GIMAP2: variants seen among roughly 807,000 people sequenced by gnomAD.
GIMAP2 encodes GTPase IMAP family member 2.
A neutral mutation model predicts 25.5 loss-of-function variants in GIMAP2; 22 were observed. That is an observed-to-expected ratio of 0.86 (90% CI 0.62 to 1.23). GIMAP2 has a LOEUF of 1.23. Ranked by LOEUF, GIMAP2 falls within the 50% of genes most tolerant of loss-of-function variation. The pLI is 0.00. For synonymous variants in GIMAP2, 167 were observed against 143.0 expected, an observed-to-expected ratio of 1.17 and a Z score of -1.20; for missense variants, 422 against 395.7, an observed-to-expected ratio of 1.07 and a Z score of -0.56.
In GIMAP2 at chr7:150,692,795, A is replaced by G. The variant is rs746101312; in HGVS notation, c.509A>G (p.Lys170Arg). Reference sequence around the variant, plus strand: ...GACTCAGATAACAAAGCCCTAAGCAAGCTGGTGGCAGCATGTGGTGGGCGA... The same window carrying G: ...GACTCAGATAACAAAGCCCTAAGCAGGCTGGTGGCAGCATGTGGTGGGCGA... ...MHDSDNKALS[K>R]LVAACGGRIC... Residue 170 changes from lysine to arginine, a missense_variant, in exon 3 of 3, where the codon AAG (lysine) becomes AGG (arginine). Lys to Arg is a conservative substitution (Grantham distance 26). Coordinates refer to ENST00000223293, the MANE Select transcript of GIMAP2 (RefSeq NM_015660.3). The G allele has an allele frequency of 4.3e-5, 70 of 1,614,122 alleles. No homozygotes were observed. Among genetic ancestry groups the G allele is most frequent in the Non-Finnish European group, 5.7e-5 (67 of 1,180,052 alleles).
intron 1 of GIMAP2, among the ~76,000 whole-genome samples, chr7:150,686,742 G>A (rs955999702): frequency 1.2e-4 from 18 of 151,796 alleles, no homozygotes; most frequent in African/African-American, 3.6e-4. Context: ...TCAGGAGTTT[G>A]AGACCAGCCT....
In GIMAP2 at chr7:150,692,975, T is replaced by A. The variant is rs776373050; in HGVS notation, c.689T>A (p.Val230Glu). 6 of 1,613,860 alleles carry A rather than the reference T, an allele frequency of 3.7e-6. No individual in the cohort carries two copies. Among genetic ancestry groups the A allele is most frequent in the Admixed American group, 1.7e-5 (1 of 60,004 alleles). Residue 230 changes from valine to glutamate, a missense_variant, in exon 3 of 3, where the codon GTG becomes GAG. Physicochemically the swap from Val to Glu is moderately radical, Grantham distance 121. Transcript: ENST00000223293. ...SLIQRSKCGP[V>E]GSDERVKEFK... ...ATACAGAGGTCTAAATGTGGACCTG[T>A]GGGATCAGATGAAAGAGTAAAGGAA... is the stretch of plus-strand genomic sequence containing the variant.
intron 1 of GIMAP2, among the ~76,000 whole-genome samples, chr7:150,686,330 A>C (rs1302967316): frequency 6.6e-6 from 1 of 152,148 alleles, no homozygotes; most frequent in African/African-American, 2.4e-5. Flanking sequence ...GAGAGAGTAG[A>C]GGAGGGAAGG....
Position 150,692,469 on chromosome 7 carries a change from C to G in GIMAP2, c.183C>G (p.Cys61Trp). 1 of 1,614,160 alleles carries G rather than the reference C, an allele frequency of 6.2e-7. No homozygotes were observed. Among genetic ancestry groups the G allele is most frequent in the Non-Finnish European group, 8.5e-7 (1 of 1,180,018 alleles). ...KLGSQTLTKT[C>W]SKSQGSWGNR... ...GTTCCCAGACCTTGACTAAGACTTG[C>G]AGCAAAAGTCAGGGAAGCTGGGGAA... Residue 61 changes from cysteine (C) to tryptophan (W), a missense_variant, in exon 3 of 3, where the codon TGC becomes TGG. Transcript: ENST00000223293.
At chr7:150,689,921 A>G (rs1796946795) in intron 2 of GIMAP2, among the ~76,000 whole-genome samples, 1 of 132,748 alleles carries the variant, frequency 7.5e-6, no homozygotes, top group Non-Finnish European at 1.7e-5. Context: ...AAAAAGGTTG[A>G]CAAACCCTTT....
intron 2 of GIMAP2, among the ~76,000 whole-genome samples, chr7:150,688,892 T>C (rs1213485813): frequency 6.6e-6 from 1 of 152,224 alleles, no homozygotes; most frequent in African/African-American, 2.4e-5. Flanking sequence ...GGCAGAATTC[T>C]CCAACTAGAC....
chr7:150,692,319 A>T lies in GIMAP2; in HGVS notation c.33A>T (p.Pro11=). 5.6e-6 allele frequency: 9 copies of T among 1,613,276 alleles called. No homozygotes were observed. Among genetic ancestry groups the T allele is most frequent in the Non-Finnish European group, 7.6e-6 (9 of 1,179,212 alleles). MDQNEHSHWG[P]HAKGQCASRS... Reference sequence around the variant, plus strand: ...CAGTAAACTTGCTCCTCACAGGACCACATGCAAAGGGCCAATGTGCCAGCA... The same window carrying T: ...CAGTAAACTTGCTCCTCACAGGACCTCATGCAAAGGGCCAATGTGCCAGCA... The change falls in exon 3 of 3, where the codon CCA becomes CCT. Residue 11 remains proline, a synonymous_variant. Transcript: ENST00000223293.
chr7:150,691,249 C>G (rs1796962939), intron 2 of GIMAP2, among the ~76,000 whole-genome samples: 1 of 152,214 alleles, frequency 6.6e-6, no homozygotes, highest in Non-Finnish European at 1.5e-5. Context: ...CTGCCCTAGA[C>G]AAGTCATTCT....
At position 150,693,162 on chromosome 7, in the gene GIMAP2, C is replaced by T. The variant is rs547745675; in HGVS notation, c.876C>T (p.His292=). Residue 292 remains histidine, a synonymous_variant, in exon 3 of 3, where the codon CAC becomes CAT. Coordinates refer to ENST00000223293, the MANE Select transcript of GIMAP2 (RefSeq NM_015660.3). ...RLIILWLCIL[H]SMCNLFCCLL... ...TAATTCTGTGGCTTTGCATACTGCA[C>T]AGCATGTGCAATTTGTTTTGTTGCT... is the stretch of plus-strand genomic sequence containing the variant. 6.2e-7 allele frequency: 1 copy of T among 1,612,612 alleles called. No homozygotes were observed. Among genetic ancestry groups the T allele is most frequent in the Non-Finnish European group, 8.5e-7 (1 of 1,178,710 alleles).
chr7:150,686,317 T>C (rs1255868638), intron 1 of GIMAP2, among the ~76,000 whole-genome samples: 3 of 151,818 alleles, frequency 2.0e-5, no homozygotes, highest in African/African-American at 7.3e-5. Flanking sequence ...GGGAGGAGGT[T>C]TGGAGAGAGT....
chr7:150,692,694 T>A lies in GIMAP2; in HGVS notation c.408T>A (p.Asp136Glu). 1 of 1,614,134 alleles carries A rather than the reference T, an allele frequency of 6.2e-7. No individual in the cohort carries two copies. The highest frequency in any genetic ancestry group is 8.5e-7 in the Non-Finnish European group (1 of 1,179,980). The change falls in exon 3 of 3, where the codon GAT (aspartate) becomes GAA (glutamate). Residue 136 changes from aspartate (D) to glutamate (E), a missense_variant. Physicochemically the swap from Asp to Glu is conservative, Grantham distance 45. Coordinates refer to ENST00000223293, the MANE Select transcript of GIMAP2 (RefSeq NM_015660.3). Reference sequence around the variant, plus strand: ...GGGTGAAGGAGATCTTTGGAGAGGATGCCATGGGACACACAATTGTCCTCT... The same window carrying A: ...GGGTGAAGGAGATCTTTGGAGAGGAAGCCATGGGACACACAATTGTCCTCT... Reference protein sequence around the residue: ...AQRVKEIFGEDAMGHTIVLFT... With the variant: ...AQRVKEIFGEEAMGHTIVLFT...
chr7:150,692,497 A>G lies in GIMAP2; in HGVS notation c.211A>G (p.Arg71Gly), dbSNP rs749095988. The G allele has an allele frequency of 1.5e-5, 24 of 1,614,094 alleles. No homozygotes were observed. The East Asian group carries it at 5.1e-4, about 34-fold the overall frequency. ...CAAAAGTCAGGGAAGCTGGGGAAAT[A>G]GAGAGATTGTCATTATTGACACACC... ...CSKSQGSWGNREIVIIDTPDM... is the reference protein window; with the variant it reads ...CSKSQGSWGNGEIVIIDTPDM... Residue 71 changes from arginine (R) to glycine (G), a missense_variant, in exon 3 of 3, where the codon AGA becomes GGA. Coordinates refer to ENST00000223293, the MANE Select transcript of GIMAP2 (RefSeq NM_015660.3).
Position 150,692,818 on chromosome 7 carries a change from C to A in GIMAP2, c.532C>A (p.Arg178=). 1.2e-6 allele frequency: 2 copies of A among 1,614,138 alleles called. No homozygotes were observed. The highest frequency in any genetic ancestry group is 1.7e-6 in the Non-Finnish European group (2 of 1,180,032). ...LSKLVAACGG[R]ICAFNNRAEG... ...CAAGCTGGTGGCAGCATGTGGTGGG[C>A]GAATCTGTGCCTTTAATAACCGTGC... Residue 178 remains arginine, a synonymous_variant, in exon 3 of 3, where the codon CGA becomes AGA. Transcript: ENST00000223293.
rs1563355893 is a variant in GIMAP2, at chr7:150,692,711, T to C, written c.425T>C (p.Ile142Thr). 6.2e-7 allele frequency: 1 copy of C among 1,614,148 alleles called. No homozygotes were observed. The highest frequency in any genetic ancestry group is 8.5e-7 in the Non-Finnish European group (1 of 1,180,014). Residue 142 changes from isoleucine to threonine, a missense_variant, in exon 3 of 3, where the codon ATT (isoleucine) becomes ACT (threonine). Transcript: ENST00000223293. ...GGAGAGGATGCCATGGGACACACAA[T>C]TGTCCTCTTTACCCACAAGGAAGAC... ...IFGEDAMGHT[I>T]VLFTHKEDLN...
At position 150,692,977 on chromosome 7, in the gene GIMAP2, G is replaced by T; in HGVS notation, c.691G>T (p.Gly231Ter). 1 of 1,613,686 alleles carries T rather than the reference G, an allele frequency of 6.2e-7. No homozygotes were observed. Among genetic ancestry groups the T allele is most frequent in the Non-Finnish European group, 8.5e-7 (1 of 1,179,604 alleles). Residue 231 changes from glycine to a stop codon, truncating the protein, a stop_gained, in exon 3 of 3, where the codon GGA (glycine) becomes TGA (stop). Coordinates refer to ENST00000223293, the MANE Select transcript of GIMAP2 (RefSeq NM_015660.3). LOFTEE classifies it high-confidence loss of function. ...LIQRSKCGPV[G>*]SDERVKEFKQ... is the part of the protein sequence containing the mutation. The stretch of plus-strand genomic sequence containing the variant: ...ACAGAGGTCTAAATGTGGACCTGTG[G>T]GATCAGATGAAAGAGTAAAGGAATT...
At chr7:150,689,226 C>G (rs1796938544) in intron 2 of GIMAP2, among the ~76,000 whole-genome samples, 4 of 152,218 alleles carry the variant, frequency 2.6e-5, no homozygotes, top group South Asian at 2.1e-4. Context: ...CTTCACTTTG[C>G]TGCACTTGGA....
chr7:150,688,376 C>T (rs1563354357), intron 2 of GIMAP2, among the ~76,000 whole-genome samples: 2 of 152,160 alleles, frequency 1.3e-5, no homozygotes, highest in Non-Finnish European at 2.9e-5. Flanking sequence ...AGTGATCTGC[C>T]CACCTCAGCC....
intron 1 of GIMAP2, among the ~76,000 whole-genome samples, chr7:150,686,407 C>T (rs531702753): frequency 2.6e-4 from 40 of 152,094 alleles, no homozygotes; most frequent in African/African-American, 8.9e-4. Context: ...GAAGGCACAC[C>T]TACAGAGAAA....
At chr7:150,689,772 T>C (rs975566470) in intron 2 of GIMAP2, 1 of 467,106 alleles carries the variant, frequency 2.1e-6, no homozygotes, top group Non-Finnish European at 3.8e-6. Context: ...AAAGCACTAA[T>C]ACTTCAGGCA....
Sources: gnomAD v4.1 joint callset for allele counts (sites outside exome capture counted in the v4.1 genomes callset) on GRCh38, gnomAD v4.1.1 for gene constraint, MANE v1.5 for transcripts, NCBI Gene and HGNC (gene_info 2026-07-23, HGNC 2026-07-21) for gene names.